The following MYLK2 variants were observed in gnomAD, a reference collection of about 807,000 sequenced individuals.
The protein encoded by MYLK2 is myosin light chain kinase 2, skeletal/cardiac muscle.
MYLK2 carries 27 observed loss-of-function variants against 58.2 expected under a neutral mutation model. The observed-to-expected ratio is 0.46, with a 90% CI of 0.34 to 0.64. MYLK2 has a LOEUF of 0.64. Among genes scored for constraint, MYLK2 ranks in the 30% least tolerant of loss-of-function variants. The pLI, the probability that MYLK2 is intolerant of heterozygous loss-of-function variation, is 0.01. For missense variants in MYLK2, 676 were observed against 764.3 expected (o/e 0.88, Z 1.36); for synonymous variants, 310 against 296.7 (o/e 1.04, Z -0.46).
chr20:31,832,195 C>T lies in MYLK2; in HGVS notation c.1710+59C>T. The T allele has an allele frequency of 8.3e-6, 13 of 1,575,584 alleles. No homozygotes were observed. The South Asian group carries it at 1.2e-4, about 14-fold the overall frequency. On this transcript the variant is annotated intron_variant, in intron 12 of 12. Transcript: ENST00000375985. ...TGCTAGTGGGAAGAGCTCCTGGTGCCAGATCCCAGCCTCCACCGTCCCTGC... is the reference window on the plus strand; with the variant it reads ...TGCTAGTGGGAAGAGCTCCTGGTGCTAGATCCCAGCCTCCACCGTCCCTGC...
chr20:31,826,440 G>T (rs988005008), intron 6 of MYLK2, among the ~76,000 whole-genome samples, 165 bp from the exon 7 acceptor site: 2 of 151,878 alleles, frequency 1.3e-5, no homozygotes, highest in Non-Finnish European at 2.9e-5. Context: ...ACTTGGGAGT[G>T]GTGAGGACCA....
chr20:31,821,844 A>G, intron 4 of MYLK2, 107 bp downstream of exon 4: 1 of 1,098,412 alleles, frequency 9.1e-7, no homozygotes. Flanking sequence ...GCCCTGAGCC[A>G]AGCCTTACCC....
Position 31,834,073 on chromosome 20 carries a change from G to A in MYLK2, c.*276G>A. ...ACACCCCAGACTCCAGGCCCCCGTTGAAGCCGCTCCCGGTTCCCTCCCCAG... is the reference window on the plus strand; with the variant it reads ...ACACCCCAGACTCCAGGCCCCCGTTAAAGCCGCTCCCGGTTCCCTCCCCAG... On this transcript the variant is annotated 3_prime_UTR_variant, in exon 13 of 13. Coordinates refer to ENST00000375985, the MANE Select transcript of MYLK2 (RefSeq NM_033118.4). The A allele has an allele frequency of 3.9e-6, 2 of 507,376 alleles. No individual in the cohort carries two copies. The highest frequency in any genetic ancestry group is 4.4e-5 in the South Asian group (2 of 45,252). The allele number at this position is 507,376 out of a possible 1,614,324, so 31.4% of individuals were successfully genotyped here.
intron 6 of MYLK2, among the ~76,000 whole-genome samples, chr20:31,824,793 C>T (rs927953190): frequency 1.6e-4 from 25 of 152,082 alleles, no homozygotes; most frequent in African/African-American, 6.0e-4. Context: ...GAGGAGGCCA[C>T]GAGCAGTGTT....
At position 31,823,597 on chromosome 20, in the gene MYLK2, C is replaced by T. The variant is rs759214391; in HGVS notation, c.878+15C>T. The T allele has an allele frequency of 5.0e-6, 8 of 1,610,994 alleles. No homozygotes were observed. The South Asian group carries it at 7.7e-5, about 15-fold the overall frequency. ...GCGCTCGGAGGGTGAGATCTGGGACCCCAGCTGGGCACTCATGGACAGAGA... is the reference window on the plus strand; with the variant it reads ...GCGCTCGGAGGGTGAGATCTGGGACTCCAGCTGGGCACTCATGGACAGAGA... On this transcript the variant is annotated intron_variant, in intron 5 of 12. Transcript: ENST00000375985.
At position 31,831,747 on chromosome 20, in the gene MYLK2, CCCTAA is replaced by C; in HGVS notation, c.1470_1474del (p.Leu491GlnfsTer10). The C allele has an allele frequency of 1.2e-6, 2 of 1,614,106 alleles. No individual in the cohort carries two copies. The highest frequency in any genetic ancestry group is 1.7e-6 in the Non-Finnish European group (2 of 1,179,998). On this transcript the variant is annotated frameshift_variant, in exon 11 of 13. Coordinates refer to ENST00000375985, the MANE Select transcript of MYLK2 (RefSeq NM_033118.4). LOFTEE classifies it high-confidence loss of function. ...TTCCTGGGAGATGATGACACAGAGACCCTAAACAACGTTCTATCTGGCAACTGGTA... is the reference window on the plus strand; with the variant it reads ...TTCCTGGGAGATGATGACACAGAGACACAACGTTCTATCTGGCAACTGGTA...
At chr20:31,823,896 C>A (rs2062265077) in intron 5 of MYLK2, 2 of 973,046 alleles carry the variant, frequency 2.1e-6, no homozygotes, top group African/African-American at 1.8e-5. Context: ...TTGTAAAAAG[C>A]CCTGACTCAG....
At chr20:31,827,026 C>T in intron 8 of MYLK2, 88 bp downstream of exon 8, 1 of 1,584,294 alleles carries the variant, frequency 6.3e-7, no homozygotes, top group Non-Finnish European at 8.6e-7. Flanking sequence ...CTCTGCCCTC[C>T]CATCCCTCCA....
intron 8 of MYLK2, among the ~76,000 whole-genome samples, chr20:31,829,698 T>A (rs1347005883): frequency 6.6e-6 from 1 of 152,248 alleles, no homozygotes; most frequent in African/African-American, 2.4e-5. Flanking sequence ...ATGGCCCATG[T>A]GGCCAGGGCT....
Position 31,831,876 on chromosome 20 carries a change from T to C in MYLK2, c.1577+21T>C, listed in dbSNP as rs948072358. On this transcript the variant is annotated intron_variant, in intron 11 of 12. Transcript: ENST00000375985. Reference sequence around the variant, plus strand: ...CAGAGGTGAGGCTCACCCCAGAACCTGAACTGTATGTGTGCAAGCTTAGTG... The same window carrying C: ...CAGAGGTGAGGCTCACCCCAGAACCCGAACTGTATGTGTGCAAGCTTAGTG... 4 of 1,613,936 alleles carry C rather than the reference T, an allele frequency of 2.5e-6. No homozygotes were observed. In the African/African-American group the frequency reaches 5.3e-5, roughly 22 times the overall value.
At chr20:31,828,178 G>T in intron 8 of MYLK2, 3 of 985,316 alleles carry the variant, frequency 3.0e-6, no homozygotes, top group Non-Finnish European at 3.6e-6. Flanking sequence ...GTGAGCCACC[G>T]TGCCTGGCCA....
At chr20:31,829,852 C>T (rs1035417918) in intron 8 of MYLK2, among the ~76,000 whole-genome samples, 6 of 152,146 alleles carry the variant, frequency 3.9e-5, no homozygotes, top group Non-Finnish European at 8.8e-5. Flanking sequence ...AAACAGAGGC[C>T]CAGAGTGGAG....
chr20:31,821,141 AATTAT>A (rs1347385971), intron 3 of MYLK2, among the ~76,000 whole-genome samples: 2 of 152,228 alleles, frequency 1.3e-5, no homozygotes, highest in East Asian at 3.8e-4. Flanking sequence ...ATTATGTATC[AATTAT>A]ATCACAACAG....
At position 31,820,292 on chromosome 20, in the gene MYLK2, C is replaced by T; in HGVS notation, c.219C>T (p.Ser73=). ...DGTLAQPSTS[S]QGPKGEGDRG... ...CCCTGGCCCAACCCTCAACTAGCAG[C>T]CAAGGCCCCAAAGGAGAGGGTGACA... Residue 73 remains serine, a synonymous_variant, in exon 3 of 13, where the codon AGC becomes AGT. Transcript: ENST00000375985. The T allele has an allele frequency of 1.2e-6, 2 of 1,613,620 alleles. No individual in the cohort carries two copies. The highest frequency in any genetic ancestry group is 1.7e-6 in the Non-Finnish European group (2 of 1,179,958).
rs141415487 is a variant in MYLK2, at chr20:31,831,757, C to T, written c.1479C>T (p.Asn493=). 78 of 1,614,132 alleles carry T rather than the reference C, an allele frequency of 4.8e-5. No individual in the cohort carries two copies. In the East Asian group the frequency reaches 5.1e-4, roughly 11 times the overall value. The change falls in exon 11 of 13, where the codon AAC becomes AAT. Residue 493 remains asparagine, a synonymous_variant. Transcript: ENST00000375985. ...ATGATGACACAGAGACCCTAAACAA[C>T]GTTCTATCTGGCAACTGGTACTTTG... ...LGDDDTETLN[N]VLSGNWYFDE...
rs1315908069 is a variant in MYLK2 at position 31,834,267 on chromosome 20, C to T, written c.*470C>T. ...TCCTGGTGGGGCAGAAAGGCTGCAA[C>T]GCTGATTCCTAAGGCCCAGCTGCCA... On this transcript the variant is annotated 3_prime_UTR_variant, in exon 13 of 13. Transcript: ENST00000375985. 1 of 185,854 alleles carries T rather than the reference C, an allele frequency of 5.4e-6. No individual in the cohort carries two copies. Among genetic ancestry groups the T allele is most frequent in the African/African-American group, 2.4e-5 (1 of 42,480 alleles). The allele number at this position is 185,854 out of a possible 1,614,324, so 11.5% of individuals were successfully genotyped here. A position where few individuals can be genotyped will look rare whatever the true frequency, so the allele number is the denominator to read the frequency against.
In MYLK2 at chr20:31,831,006, C is replaced by T; in HGVS notation, c.1296-7C>T. ...GCTGTGCTCTCAGCCCTTGGTCTCA[C>T]CCCCAGGTATAACCCCAACGAGAAG... On this transcript the variant is annotated splice_polypyrimidine_tract_variant and splice_region_variant and intron_variant, in intron 9 of 12. Transcript: ENST00000375985. The T allele has an allele frequency of 1.2e-6, 2 of 1,614,150 alleles. No homozygotes were observed. The highest frequency in any genetic ancestry group is 8.5e-7 in the Non-Finnish European group (1 of 1,180,008).
chr20:31,828,143 C>T, intron 8 of MYLK2: 1 of 978,212 alleles, frequency 1.0e-6, no homozygotes, highest in Non-Finnish European at 1.2e-6. Flanking sequence ...CTGCCTCAGC[C>T]TCCCAAAGTG....
Position 31,824,274 on chromosome 20 carries a change from A to G in MYLK2, c.894A>G (p.Ala298=), listed in dbSNP as rs768333362. The G allele has an allele frequency of 6.2e-7, 1 of 1,613,618 alleles. No homozygotes were observed. The highest frequency in any genetic ancestry group is 8.5e-7 in the Non-Finnish European group (1 of 1,179,810). Residue 298 remains alanine (A), a synonymous_variant, in exon 6 of 13, where the codon GCA becomes GCG. Coordinates refer to ENST00000375985, the MANE Select transcript of MYLK2 (RefSeq NM_033118.4). ...KEALGGGKFG[A]VCTCMEKATG... is the part of the protein sequence containing the mutation. ...CTCTTTCCAGTGGCAAGTTTGGGGC[A>G]GTCTGTACCTGCATGGAGAAAGCCA...
Sources: gnomAD v4.1 joint callset for allele counts (sites outside exome capture counted in the v4.1 genomes callset) on GRCh38, gnomAD v4.1.1 for gene constraint, MANE v1.5 for transcripts, NCBI Gene and HGNC (gene_info 2026-07-23, HGNC 2026-07-21) for gene names.